The following DOK6 variants were observed in gnomAD, a reference collection of about 807,000 sequenced individuals.
DOK6 encodes docking protein 6.
Under a neutral mutation model 44.0 loss-of-function variants are expected in DOK6, and 22 were observed. That is an observed-to-expected ratio of 0.50 (90% CI 0.36 to 0.71). DOK6 has a LOEUF of 0.71. Among genes scored for constraint, DOK6 ranks in the 30% least tolerant of loss-of-function variants. The probability of loss-of-function intolerance (pLI) is 0.00; values close to 1 mark genes in which losing one functional copy is unlikely to be tolerated. For synonymous variants in DOK6, 166 were observed against 145.5 expected, an observed-to-expected ratio of 1.14 and a Z score of -1.01; for missense variants, 340 against 416.4, an observed-to-expected ratio of 0.82 and a Z score of 1.60.
At chr18:69,469,935 C>A (rs750807624) in intron 1 of DOK6, 1 of 211,000 alleles carries the variant, frequency 4.7e-6, no homozygotes, top group South Asian at 5.5e-5. Flanking sequence ...TGGGCTCCAA[C>A]CTTATCTCAT....
chr18:69,765,664 T>G (rs546843299), intron 7 of DOK6, among the ~76,000 whole-genome samples: 9 of 152,302 alleles, frequency 5.9e-5, no homozygotes, highest in Admixed American at 1.3e-4. Context: ...CAAACAAATT[T>G]TGGGGCTCAA....
At chr18:69,524,771 AAAGT>A (rs1174805111) in intron 1 of DOK6, among the ~76,000 whole-genome samples, 2 of 151,930 alleles carry the variant, frequency 1.3e-5, no homozygotes, top group African/African-American at 4.8e-5. Flanking sequence ...TTTTTAAAAC[AAAGT>A]AATTGTCCAG....
At chr18:69,464,639 A>G (rs1456766371) in intron 1 of DOK6, among the ~76,000 whole-genome samples, 1 of 152,228 alleles carries the variant, frequency 6.6e-6, no homozygotes, top group Non-Finnish European at 1.5e-5. Context: ...ATCATCTATA[A>G]AGTTCTGTAG....
chr18:69,535,839 T>C (rs956095451), intron 1 of DOK6, among the ~76,000 whole-genome samples: 15 of 152,060 alleles, frequency 9.9e-5, no homozygotes, highest in Admixed American at 5.2e-4. Flanking sequence ...GGAGATGTTA[T>C]GCAAAAAATA....
chr18:69,705,282 A>G (rs931774378), intron 5 of DOK6: 4 of 152,208 alleles, frequency 2.6e-5, no homozygotes, highest in Non-Finnish European at 4.4e-5. Flanking sequence ...TTTCCCTGTA[A>G]AACTTTGTCA....
At chr18:69,693,071 G>C (rs1373279104) in intron 4 of DOK6, among the ~76,000 whole-genome samples, 14 of 152,026 alleles carry the variant, frequency 9.2e-5, no homozygotes, top group Non-Finnish European at 2.1e-4. Context: ...GCTTTTAAGA[G>C]GAAGACAAGC....
chr18:69,554,092 CAT>C (rs1363015950), intron 1 of DOK6, among the ~76,000 whole-genome samples: 1 of 152,140 alleles, frequency 6.6e-6, no homozygotes, highest in East Asian at 1.9e-4. Context: ...TAAACTTCAA[CAT>C]GTGATATTTT....
chr18:69,625,968 T>C (rs1452186475), intron 3 of DOK6, among the ~76,000 whole-genome samples: 1 of 152,218 alleles, frequency 6.6e-6, no homozygotes, highest in Admixed American at 6.5e-5. Flanking sequence ...AAATATGGTC[T>C]GATCCCTATA....
At chr18:69,806,360 A>G (rs1402870681) in intron 7 of DOK6, among the ~76,000 whole-genome samples, 1 of 152,002 alleles carries the variant, frequency 6.6e-6, no homozygotes, top group Non-Finnish European at 1.5e-5. Flanking sequence ...CTGTATGTTA[A>G]ATTTTGGCAC....
chr18:69,712,787 C>T (rs1986797866), intron 5 of DOK6, among the ~76,000 whole-genome samples: 2 of 152,282 alleles, frequency 1.3e-5, no homozygotes, highest in African/African-American at 2.4e-5. Context: ...GCTGAGGTTG[C>T]AGTGAGCCGA....
intron 1 of DOK6, among the ~76,000 whole-genome samples, chr18:69,487,524 T>G (rs1980618276): frequency 6.6e-6 from 1 of 152,138 alleles, no homozygotes; most frequent in South Asian, 2.1e-4. Context: ...CCTTTTATTA[T>G]TTTCATTAAT....
intron 1 of DOK6, among the ~76,000 whole-genome samples, chr18:69,505,515 T>TG (rs1981159607): frequency 7.0e-6 from 1 of 142,932 alleles, no homozygotes; most frequent in South Asian, 2.2e-4. Flanking sequence ...TTTTTTTTTT[T>TG]GAAACAGAGT....
At chr18:69,487,684 C>A (rs928529776) in intron 1 of DOK6, among the ~76,000 whole-genome samples, 1 of 152,162 alleles carries the variant, frequency 6.6e-6, no homozygotes, top group African/African-American at 2.4e-5. Context: ...AAGCAGGTAA[C>A]AGGTTATTTC....
chr18:69,515,829 A>G (rs966222205), intron 1 of DOK6, among the ~76,000 whole-genome samples: 1 of 152,234 alleles, frequency 6.6e-6, no homozygotes, highest in African/African-American at 2.4e-5. Flanking sequence ...CACACAGTGT[A>G]TGATCAAATA....
At chr18:69,668,094 A>G (rs1985705149) in intron 3 of DOK6, among the ~76,000 whole-genome samples, 1 of 152,030 alleles carries the variant, frequency 6.6e-6, no homozygotes, top group Admixed American at 6.5e-5. Flanking sequence ...TTTTGTATTC[A>G]TCTTTAATTT....
At chr18:69,702,888 T>G (rs967251700) in intron 5 of DOK6, among the ~76,000 whole-genome samples, 16 of 152,226 alleles carry the variant, frequency 1.1e-4, no homozygotes, top group African/African-American at 3.9e-4. Flanking sequence ...TCATTGTGAT[T>G]ACTACAGACC....
intron 1 of DOK6, among the ~76,000 whole-genome samples, chr18:69,472,379 C>G (rs1377996408): frequency 1.3e-5 from 2 of 152,186 alleles, no homozygotes; most frequent in Non-Finnish European, 2.9e-5. Flanking sequence ...CAGGGACCTG[C>G]AGACCTTAGA....
chr18:69,801,078 A>G (rs1980890176), intron 7 of DOK6, among the ~76,000 whole-genome samples: 1 of 137,354 alleles, frequency 7.3e-6, no homozygotes, highest in Admixed American at 7.3e-5. Flanking sequence ...CTTTTTCTTT[A>G]CTTTGATTTT....
chr18:69,793,544 A>G (rs570683571), intron 7 of DOK6, among the ~76,000 whole-genome samples: 44 of 152,302 alleles, frequency 2.9e-4, no homozygotes, highest in Admixed American at 7.9e-4. Flanking sequence ...TATCACAATC[A>G]CAAAATAATG....
Sources: allele counts gnomAD v4.1 joint callset (sites outside exome capture counted in the v4.1 genomes callset), GRCh38; gene constraint gnomAD v4.1.1; transcripts MANE v1.5; gene names NCBI Gene and HGNC (gene_info 2026-07-23, HGNC 2026-07-21).